CTNNA2: variants seen among roughly 807,000 people sequenced by gnomAD.
CTNNA2 encodes catenin alpha-2.
In CTNNA2, 42 loss-of-function variants were observed where a neutral mutation model predicts 101.0. That is an observed-to-expected ratio of 0.42 (90% CI 0.32 to 0.54). The LOEUF (loss-of-function observed/expected upper bound fraction) is 0.54. Ranked by LOEUF, CTNNA2 falls within the 20% of genes least tolerant of loss-of-function variation. CTNNA2 has a pLI of 0.14. For synonymous variants in CTNNA2, 450 were observed against 456.4 expected (o/e 0.99, Z 0.18); for missense variants, 871 against 1,223.1 (o/e 0.71, Z 4.29).
intron 7 of CTNNA2, among the ~76,000 whole-genome samples, chr2:80,131,773 T>A (rs960014814): frequency 6.6e-6 from 1 of 152,112 alleles, no homozygotes; most frequent in African/African-American, 2.4e-5. Flanking sequence ...CTAACAGGTG[T>A]CTTGTGTAGG....
At chr2:80,155,521 G>A (rs187951709) in intron 7 of CTNNA2, among the ~76,000 whole-genome samples, 1 of 152,024 alleles carries the variant, frequency 6.6e-6, no homozygotes, top group Non-Finnish European at 1.5e-5. Flanking sequence ...TTACTTGCTT[G>A]CCAGTGACTT....
At chr2:80,557,528 A>G (rs1247312870) in intron 12 of CTNNA2, among the ~76,000 whole-genome samples, 1 of 152,116 alleles carries the variant, frequency 6.6e-6, no homozygotes, top group Non-Finnish European at 1.5e-5. Context: ...CTAGATAAAT[A>G]ATACCAGAGA....
chr2:80,015,569 C>T (rs1055367355), intron 7 of CTNNA2, among the ~76,000 whole-genome samples: 2 of 152,062 alleles, frequency 1.3e-5, no homozygotes, highest in African/African-American at 4.8e-5. Flanking sequence ...TTGGTGTGTG[C>T]AGAAGGATAC....
At chr2:80,156,744 T>A (rs1704015616) in intron 7 of CTNNA2, among the ~76,000 whole-genome samples, 1 of 152,232 alleles carries the variant, frequency 6.6e-6, no homozygotes, top group Non-Finnish European at 1.5e-5. Flanking sequence ...CCACACGCAT[T>A]GCTGATGAGG....
At chr2:80,073,730 T>TGA (rs71386612) in intron 7 of CTNNA2, among the ~76,000 whole-genome samples, 2 of 130,428 alleles carry the variant, frequency 1.5e-5, no homozygotes, top group South Asian at 5.5e-4. Context: ...TCTCTCTCTG[T>TGA]CACACACACA....
chr2:80,469,716 T>G (rs1685137462), intron 9 of CTNNA2, among the ~76,000 whole-genome samples: 1 of 152,084 alleles, frequency 6.6e-6, no homozygotes, highest in South Asian at 2.1e-4. Flanking sequence ...GACATGTTGG[T>G]ACCTTATGGG....
At chr2:80,364,494 A>G (rs1268001095) in intron 7 of CTNNA2, among the ~76,000 whole-genome samples, 2 of 151,182 alleles carry the variant, frequency 1.3e-5, no homozygotes, top group Non-Finnish European at 2.9e-5. Flanking sequence ...GTGTAATTTC[A>G]GTTTGTGTAT....
chr2:79,262,339 A>G (rs1458439744), intron 2 of CTNNA2, among the ~76,000 whole-genome samples: 1 of 152,206 alleles, frequency 6.6e-6, no homozygotes, highest in Non-Finnish European at 1.5e-5. Context: ...CTGACTCAAG[A>G]AAAACAAGAT....
At chr2:79,686,177 C>T (rs1292154565) in intron 2 of CTNNA2, among the ~76,000 whole-genome samples, 1 of 151,960 alleles carries the variant, frequency 6.6e-6, no homozygotes, top group East Asian at 1.9e-4. Context: ...AGAAATGAGG[C>T]TCTGAGAGGT....
intron 1 of CTNNA2, among the ~76,000 whole-genome samples, chr2:79,626,475 C>A (rs779542880): frequency 4.6e-5 from 7 of 152,120 alleles, no homozygotes; most frequent in Non-Finnish European, 7.3e-5. Flanking sequence ...GATAGTAAAG[C>A]CTTTCCAAAC....
rs9309561 is a variant in CTNNA2 at position 80,634,625 on chromosome 2, C to T, written c.2575-12960C>T. On this transcript the variant is annotated intron_variant, in intron 18 of 18. Coordinates refer to ENST00000402739, the MANE Select transcript of CTNNA2 (RefSeq NM_001282597.3). ...TGAGTTCATGTAACAGGATCGTTCT[C>T]GCTTCCATTTGAGAATAAACGGGGT... Among the ~76,000 whole-genome samples, 44 of 151,720 alleles carry T rather than the reference C, an allele frequency of 2.9e-4. 1 individual carries two copies. Among genetic ancestry groups the T allele is most frequent in the African/African-American group, 9.0e-4 (37 of 41,288 alleles).
chr2:79,827,094 A>G (rs2974178), intron 3 of CTNNA2, among the ~76,000 whole-genome samples: 55,948 of 152,000 alleles, frequency 0.37, 11,785 homozygotes, highest in Non-Finnish European at 0.46. Context: ...GCTGGAGTGC[A>G]GTGGCATGAT....
intron 2 of CTNNA2, among the ~76,000 whole-genome samples, chr2:79,259,681 G>A (rs1057170241): frequency 1.6e-4 from 24 of 152,186 alleles, no homozygotes; most frequent in Non-Finnish European, 2.9e-4. Context: ...TGAGAAGGCT[G>A]TGCAGGCTGC....
At chr2:79,538,156 A>G (rs1161546644) in intron 1 of CTNNA2, among the ~76,000 whole-genome samples, 2 of 152,184 alleles carry the variant, frequency 1.3e-5, no homozygotes, top group Non-Finnish European at 2.9e-5. Flanking sequence ...TTGTTGTTTC[A>G]AACTCTATAA....
intron 2 of CTNNA2, among the ~76,000 whole-genome samples, chr2:79,308,792 T>C (rs2104397874): frequency 6.6e-6 from 1 of 151,988 alleles, no homozygotes; most frequent in Admixed American, 6.5e-5. Context: ...GTTTTTTTTT[T>C]TTTTGCTCTT....
chr2:80,635,763 T>C (rs1573528653), intron 18 of CTNNA2, among the ~76,000 whole-genome samples: 2 of 151,548 alleles, frequency 1.3e-5, no homozygotes, highest in South Asian at 4.2e-4. Flanking sequence ...CAATTGCTAG[T>C]GTTTGACTGA....
intron 1 of CTNNA2, among the ~76,000 whole-genome samples, chr2:79,561,663 C>T (rs796428166): frequency 2.0e-5 from 3 of 151,822 alleles, no homozygotes; most frequent in African/African-American, 7.2e-5. Flanking sequence ...TGTGGAGATA[C>T]CACATGTCTA....
intron 7 of CTNNA2, among the ~76,000 whole-genome samples, chr2:80,154,671 T>G (rs1288332295): frequency 6.6e-6 from 1 of 152,136 alleles, no homozygotes; most frequent in African/African-American, 2.4e-5. Context: ...CCCAGTGGCT[T>G]AATAACACAG....
At chr2:79,849,175 C>A (rs1007904194) in intron 3 of CTNNA2, among the ~76,000 whole-genome samples, 1 of 151,926 alleles carries the variant, frequency 6.6e-6, no homozygotes, top group Admixed American at 6.6e-5. Flanking sequence ...TCTGGAAAAA[C>A]CTAAAGAATG....
Sources: allele counts gnomAD v4.1 joint callset (sites outside exome capture counted in the v4.1 genomes callset), GRCh38; gene constraint gnomAD v4.1.1; transcripts MANE v1.5; gene names NCBI Gene and HGNC (gene_info 2026-07-23, HGNC 2026-07-21).